The following COL4A3 variants were observed in gnomAD, a reference collection of about 807,000 sequenced individuals.
COL4A3 encodes the protein collagen type IV alpha 3 chain.
COL4A3 carries 135 observed loss-of-function variants against 217.4 expected under a neutral mutation model. That is an observed-to-expected ratio of 0.62 (90% confidence interval 0.54 to 0.72). The LOEUF (loss-of-function observed/expected upper bound fraction) is 0.72. Ranked by LOEUF, COL4A3 falls within the 30% of genes least tolerant of loss-of-function variation. COL4A3 has a pLI of 0.00. For missense variants in COL4A3, 1,868 were observed against 2,119.9 expected (o/e 0.88, Z 2.33); for synonymous variants, 690 against 736.3 (o/e 0.94, Z 1.02).
At chr2:227,291,605 C>A (rs944360957) in intron 37 of COL4A3, among the ~76,000 whole-genome samples, 20 of 119,862 alleles carry the variant, frequency 1.7e-4, no homozygotes, top group African/African-American at 5.9e-4. Flanking sequence ...AAAAAAAAAA[C>A]ACTTGTCTTA....
At chr2:227,227,237 T>C (rs1232873820) in intron 1 of COL4A3, among the ~76,000 whole-genome samples, 1 of 152,132 alleles carries the variant, frequency 6.6e-6, no homozygotes, top group East Asian at 1.9e-4. Flanking sequence ...GGCACAGTGA[T>C]AGGGTGAGAG....
At chr2:227,309,747 C>T (rs941652395) in intron 50 of COL4A3, among the ~76,000 whole-genome samples, 1 of 151,932 alleles carries the variant, frequency 6.6e-6, no homozygotes, top group East Asian at 1.9e-4. Context: ...GATTGCAGGT[C>T]TGTGCTACCA....
At chr2:227,222,122 C>CTAATAATAATAATAATAATAA (rs367763401) in intron 1 of COL4A3, among the ~76,000 whole-genome samples, 4 of 105,274 alleles carry the variant, frequency 3.8e-5, no homozygotes, top group African/African-American at 1.3e-4. Context: ...GACACTGTCT[C>CTAATAATAATAATAATAATAA]TAATAATAAT....
chr2:227,261,022 A>C (rs2070523001), intron 19 of COL4A3, 60 bp from the exon 20 acceptor site: 1 of 1,419,682 alleles, frequency 7.0e-7, no homozygotes, highest in Non-Finnish European at 1.0e-6. Flanking sequence ...AAGATTCCAA[A>C]AGTGGATGGG....
intron 1 of COL4A3, among the ~76,000 whole-genome samples, chr2:227,167,529 G>A (rs1216894175): frequency 6.6e-6 from 1 of 152,190 alleles, no homozygotes; most frequent in Non-Finnish European, 1.5e-5. Flanking sequence ...TTCTGGATAA[G>A]GTGATGTTCA....
intron 20 of COL4A3, 26 bp from the exon 21 acceptor site, chr2:227,263,754 T>C (rs536704984): frequency 4.4e-6 from 7 of 1,604,262 alleles, no homozygotes; most frequent in Admixed American, 3.4e-5. Context: ...AAATGTAAAA[T>C]ACAAGAAATG....
chr2:227,227,127 T>G (rs1330002725), intron 1 of COL4A3, among the ~76,000 whole-genome samples: 1 of 152,260 alleles, frequency 6.6e-6, no homozygotes, highest in Non-Finnish European at 1.5e-5. Flanking sequence ...GGGCTGGATT[T>G]GTCCTGCAAG....
At chr2:227,199,125 G>A (rs982755957) in intron 1 of COL4A3, among the ~76,000 whole-genome samples, 1 of 152,182 alleles carries the variant, frequency 6.6e-6, no homozygotes, top group Non-Finnish European at 1.5e-5. Flanking sequence ...TTCAGGTTAG[G>A]CTCAGAGGAA....
At chr2:227,284,424 T>C (rs1574788140) in intron 34 of COL4A3, 79 bp downstream of exon 34, 2 of 1,521,106 alleles carry the variant, frequency 1.3e-6, no homozygotes, top group Admixed American at 1.9e-5. Context: ...ATCCGTTTGG[T>C]TGACAAATAA....
rs139659059 is a variant in COL4A3, at chr2:227,225,296, G to A, written c.88-12672G>A. On this transcript the variant is annotated intron_variant, in intron 1 of 51. Coordinates refer to ENST00000396578, the MANE Select transcript of COL4A3 (RefSeq NM_000091.5). ...GCACATGACCTAAGAAGTCCCATCCGCCTTAATATGCGTCTCCACCTGCCA... is the reference window on the plus strand; with the variant it reads ...GCACATGACCTAAGAAGTCCCATCCACCTTAATATGCGTCTCCACCTGCCA... 3.2e-3 allele frequency among the ~76,000 whole-genome samples: 491 copies of A among 152,240 alleles called. 11 individuals are homozygous for A. The highest frequency in any genetic ancestry group is 0.029 in the East Asian group (150 of 5,194).
At chr2:227,203,793 A>G (rs116624604) in intron 1 of COL4A3, among the ~76,000 whole-genome samples, 5,274 of 147,638 alleles carry the variant, frequency 0.036, 428 homozygotes, top group Middle Eastern at 0.1. Flanking sequence ...GTGTGTATAT[A>G]TATACACTAC....
At position 227,240,151 on chromosome 2, in the gene COL4A3, G is replaced by A; in HGVS notation, c.153G>A (p.Lys51=). The A allele has an allele frequency of 6.2e-7, 1 of 1,608,410 alleles. No individual in the cohort carries two copies. Among genetic ancestry groups the A allele is most frequent in the Non-Finnish European group, 8.5e-7 (1 of 1,177,528 alleles). ...CGTTTTGGTTTTAACAGGGGGAGAAGGGCTTTCCTGGACCCCCCGGTTCTC... is the reference window on the plus strand; with the variant it reads ...CGTTTTGGTTTTAACAGGGGGAGAAAGGCTTTCCTGGACCCCCCGGTTCTC... ...CDGAKGEKGE[K]GFPGPPGSPG... The change falls in exon 3 of 52, where the codon AAG becomes AAA. Residue 51 remains lysine (K), a synonymous_variant. Transcript: ENST00000396578.
intron 37 of COL4A3, among the ~76,000 whole-genome samples, chr2:227,291,377 C>T (rs1484123745): frequency 6.6e-6 from 1 of 151,748 alleles, no homozygotes; most frequent in African/African-American, 2.4e-5. Flanking sequence ...TCTTGGCTAA[C>T]ATGGTGAAAC....
chr2:227,280,014 A>C, intron 29 of COL4A3, 124 bp downstream of exon 29: 1 of 668,118 alleles, frequency 1.5e-6, no homozygotes, highest in Admixed American at 3.1e-5. Context: ...TAGATGATGA[A>C]GATATTAAAT....
At chr2:227,298,235 C>A (rs575689093) in intron 42 of COL4A3, among the ~76,000 whole-genome samples, 1 of 152,226 alleles carries the variant, frequency 6.6e-6, no homozygotes, top group East Asian at 1.9e-4. Flanking sequence ...GCCTGTAATA[C>A]CGGCAACTCA....
intron 21 of COL4A3, chr2:227,265,282 C>G (rs1211658722): frequency 6.6e-6 from 1 of 152,110 alleles, no homozygotes; most frequent in Non-Finnish European, 1.5e-5. Context: ...TAAAGATGAC[C>G]TTCCAGGTAT....
intron 41 of COL4A3, among the ~76,000 whole-genome samples, chr2:227,297,293 T>G (rs921224928): frequency 7.9e-5 from 12 of 152,266 alleles, no homozygotes; most frequent in African/African-American, 2.7e-4. Context: ...TGATAATAAC[T>G]GGCTTATATT....
intron 21 of COL4A3, among the ~76,000 whole-genome samples, chr2:227,264,361 T>C (rs1440799382): frequency 1.3e-5 from 2 of 152,002 alleles, no homozygotes; most frequent in African/African-American, 4.8e-5. Context: ...GCCCCCCACC[T>C]CCCATCCTCC....
At chr2:227,168,559 C>A (rs949062284) in intron 1 of COL4A3, among the ~76,000 whole-genome samples, 1 of 152,126 alleles carries the variant, frequency 6.6e-6, no homozygotes, top group African/African-American at 2.4e-5. Flanking sequence ...AAGTGTATAG[C>A]AAATATTTTA....
Sources: gnomAD v4.1 joint callset for allele counts (sites outside exome capture counted in the v4.1 genomes callset) on GRCh38, gnomAD v4.1.1 for gene constraint, MANE v1.5 for transcripts, NCBI Gene and HGNC (gene_info 2026-07-23, HGNC 2026-07-21) for gene names.